WHAMM: variants seen among roughly 807,000 people sequenced by gnomAD.
WHAMM encodes the protein WASP homolog-associated protein with actin, membranes and microtubules.
Under a neutral mutation model 76.5 loss-of-function variants are expected in WHAMM, and 67 were observed. The ratio of observed to expected loss-of-function variants is 0.88; its 90% CI spans 0.72 to 1.07. The LOEUF (loss-of-function observed/expected upper bound fraction) is 1.07. WHAMM is among the 50% of genes least tolerant of loss of function. The pLI is 0.00. For synonymous variants in WHAMM, 419 were observed against 422.1 expected, an observed-to-expected ratio of 0.99 and a Z score of 0.09; for missense variants, 1,021 against 1,051.1, an observed-to-expected ratio of 0.97 and a Z score of 0.40.
At chr15:82,824,899 G>A (rs2050904017) in intron 6 of WHAMM, among the ~76,000 whole-genome samples, 1 of 152,182 alleles carries the variant, frequency 6.6e-6, no homozygotes, top group African/African-American at 2.4e-5. Context: ...GCTTATGCCT[G>A]TAATCCCAGC....
rs1404064674 is a variant in WHAMM, at chr15:82,823,305, G to A, written c.1458+18G>A. 4 of 1,391,500 alleles carry A rather than the reference G, an allele frequency of 2.9e-6. No individual in the cohort carries two copies. Among genetic ancestry groups the A allele is most frequent in the Admixed American group, 2.7e-5 (1 of 36,630 alleles). The allele number at this position is 1,391,500 out of a possible 1,614,324, so 86.2% of individuals were successfully genotyped here. A position where few individuals can be genotyped will look rare whatever the true frequency, so the allele number is the denominator to read the frequency against. On this transcript the variant is annotated intron_variant, in intron 6 of 9. Coordinates refer to ENST00000286760, the MANE Select transcript of WHAMM (RefSeq NM_001080435.3). ...GTAGAAAGGTAGGTACGCTCAGAGC[G>A]GCTTTCTTTTCTTTTCTCTTTCAGA...
intron 5 of WHAMM, among the ~76,000 whole-genome samples, chr15:82,822,455 G>T (rs1386330497): frequency 6.6e-6 from 1 of 151,792 alleles, no homozygotes; most frequent in Non-Finnish European, 1.5e-5. Context: ...TTTTATTTTT[G>T]GAGATGGAGT....
chr15:82,835,496 T>C lies in WHAMM; in HGVS notation c.*1960T>C. 6.6e-6 allele frequency: 1 copy of C among 152,346 alleles called. No individual in the cohort carries two copies. Among genetic ancestry groups the C allele is most frequent in the Non-Finnish European group, 1.5e-5 (1 of 68,120 alleles). 9.4% of individuals were successfully genotyped at this position (152,346 alleles called of 1,614,324 possible). The stretch of plus-strand genomic sequence containing the variant: ...TTGGCACAGCTGGGAGGGGCGTGAG[T>C]CCCTTTCAGCAGCTGCAGCCTGGGT... On this transcript the variant is annotated 3_prime_UTR_variant, in exon 10 of 10. Transcript: ENST00000286760.
In WHAMM at chr15:82,833,338, G is replaced by C. The variant is rs780034906; in HGVS notation, c.2232G>C (p.Leu744=). ...ACGCCTCAATCAATGAGCACATTCT[G>C]GCTGCCATAAGGCAAGGGGTCAAAC... ...PPHASINEHI[L]AAIRQGVKLK... is the part of the protein sequence containing the mutation. The change falls in exon 10 of 10, where the codon CTG becomes CTC. Residue 744 remains leucine (L), a synonymous_variant. Transcript: ENST00000286760. 1.2e-6 allele frequency: 2 copies of C among 1,613,906 alleles called. No individual in the cohort carries two copies. The highest frequency in any genetic ancestry group is 4.5e-5 in the East Asian group (2 of 44,896).
chr15:82,832,251 C>A (rs2051042718), intron 9 of WHAMM, among the ~76,000 whole-genome samples: 1 of 152,150 alleles, frequency 6.6e-6, no homozygotes, highest in Non-Finnish European at 1.5e-5. Flanking sequence ...CCAGAGAATG[C>A]CCTTGATTGT....
chr15:82,817,327 A>G (rs1010670749), intron 3 of WHAMM, among the ~76,000 whole-genome samples: 24 of 152,188 alleles, frequency 1.6e-4, no homozygotes, highest in African/African-American at 5.8e-4. Context: ...ACAGTGTGGT[A>G]TGAGGGAAAA....
chr15:82,824,189 G>A (rs1470256841), intron 6 of WHAMM, among the ~76,000 whole-genome samples: 3 of 54,258 alleles, frequency 5.5e-5, no homozygotes, highest in Non-Finnish European at 1.3e-4. Flanking sequence ...ACAGAGTCTC[G>A]CTCTGTCTCC....
rs777210128 is a variant in WHAMM at position 82,826,473 on chromosome 15, C to G, written c.1522C>G (p.Arg508Gly). 1 of 1,613,784 alleles carries G rather than the reference C, an allele frequency of 6.2e-7. No homozygotes were observed. Among genetic ancestry groups the G allele is most frequent in the Non-Finnish European group, 8.5e-7 (1 of 1,179,820 alleles). ...GGCTGAAGAAAGCATAAGATACTCT[C>G]GTCAGCATCACAGTATTCAGATGGT... The part of the protein sequence containing the change: ...QQAEESIRYS[R>G]QHHSIQMKRD... The change falls in exon 7 of 10, where the codon CGT (arginine) becomes GGT (glycine). Residue 508 changes from arginine (R) to glycine (G), a missense_variant. This residue lies in a region of WHAMM where 509 missense variants were observed against 492.3 expected (regional missense o/e 1.03). Coordinates refer to ENST00000286760, the MANE Select transcript of WHAMM (RefSeq NM_001080435.3).
chr15:82,834,050 TTTC>T lies in WHAMM; in HGVS notation c.*517_*519del, dbSNP rs1467959093. On this transcript the variant is annotated 3_prime_UTR_variant, in exon 10 of 10. Coordinates refer to ENST00000286760, the MANE Select transcript of WHAMM (RefSeq NM_001080435.3). Reference sequence around the variant, plus strand: ...CACCACGCCCAGCCTTTTTTTTTTCTTTCTTTTGAGACAGAATCTCTCTGTCAT... The same window carrying T: ...CACCACGCCCAGCCTTTTTTTTTTCTTTTTGAGACAGAATCTCTCTGTCAT... 1.3e-5 allele frequency: 2 copies of T among 153,936 alleles called. No individual in the cohort carries two copies. Among genetic ancestry groups the T allele is most frequent in the Non-Finnish European group, 2.9e-5 (2 of 69,686 alleles). 9.5% of individuals were successfully genotyped at this position (153,936 alleles called of 1,614,324 possible).
At chr15:82,814,512 G>A (rs1033709562) in intron 2 of WHAMM, among the ~76,000 whole-genome samples, 2 of 152,032 alleles carry the variant, frequency 1.3e-5, no homozygotes, top group East Asian at 1.9e-4. Flanking sequence ...GTGCAGTGGC[G>A]CAGTCTCAGC....
At chr15:82,818,942 A>G (rs2050774065) in intron 4 of WHAMM, among the ~76,000 whole-genome samples, 2 of 152,246 alleles carry the variant, frequency 1.3e-5, no homozygotes, top group Non-Finnish European at 2.9e-5. Context: ...TTCTCTTCTA[A>G]TAAAGGCACT....
At chr15:82,814,555 A>T (rs992451135) in intron 2 of WHAMM, among the ~76,000 whole-genome samples, 1 of 151,824 alleles carries the variant, frequency 6.6e-6, no homozygotes. Context: ...GATTCAAGCA[A>T]TTCTCTTGCC....
rs536843468 is a variant in WHAMM, at chr15:82,832,028, A to G, written c.2122+949A>G. On this transcript the variant is annotated intron_variant, in intron 9 of 9. Transcript: ENST00000286760. ...TGTTCATATATTAGGTGGAGACCCA[A>G]TGGCCTGTTTCCATGGGGTTTGCAA... Among the ~76,000 whole-genome samples, 24 of 152,326 alleles carry G rather than the reference A, an allele frequency of 1.6e-4. No homozygotes were observed. The South Asian group carries it at 1.9e-3, about 12-fold the overall frequency.
In WHAMM at chr15:82,830,907, G is replaced by A. The variant is rs755807185; in HGVS notation, c.1950G>A (p.Pro650=). 11 of 1,246,896 alleles carry A rather than the reference G, an allele frequency of 8.8e-6. No individual in the cohort carries two copies. The highest frequency in any genetic ancestry group is 1.1e-5 in the Non-Finnish European group (10 of 902,506). 77.2% of individuals were successfully genotyped at this position (1,246,896 alleles called of 1,614,324 possible). ...PPPPPPPPPP[P]PPPPPPPPLR... ...CTCCTCCTCCACCACCACCACCGCC[G>A]CCACCGCCGCCCCCACCCCCTCCTC... The change falls in exon 9 of 10, where the codon CCG becomes CCA. Residue 650 remains proline, a synonymous_variant. Transcript: ENST00000286760.
At chr15:82,820,223 A>G (rs907605024) in intron 5 of WHAMM, among the ~76,000 whole-genome samples, 1 of 152,244 alleles carries the variant, frequency 6.6e-6, no homozygotes, top group African/African-American at 2.4e-5. Context: ...ATATTTTGAC[A>G]TAGGCATATA....
At chr15:82,820,910 A>G (rs1017174547) in intron 5 of WHAMM, among the ~76,000 whole-genome samples, 1 of 39,506 alleles carries the variant, frequency 2.5e-5, no homozygotes. Flanking sequence ...AAAAAAAAAA[A>G]AAAAAAAAAA....
Position 82,835,311 on chromosome 15 carries a change from G to A in WHAMM, c.*1775G>A, listed in dbSNP as rs185275065. ...CCAGCTAATTTTTATATTTTTAGTAGAGATGGGGTTTCACCATGTTGGCAG... is the reference window on the plus strand; with the variant it reads ...CCAGCTAATTTTTATATTTTTAGTAAAGATGGGGTTTCACCATGTTGGCAG... On this transcript the variant is annotated 3_prime_UTR_variant, in exon 10 of 10. Coordinates refer to ENST00000286760, the MANE Select transcript of WHAMM (RefSeq NM_001080435.3). The A allele has an allele frequency of 9.2e-5, 14 of 152,264 alleles. No homozygotes were observed. The highest frequency in any genetic ancestry group is 3.1e-4 in the African/African-American group (13 of 41,488). 9.4% of individuals were successfully genotyped at this position (152,264 alleles called of 1,614,324 possible).
chr15:82,825,011 G>C (rs2050906769), intron 6 of WHAMM, among the ~76,000 whole-genome samples: 2 of 152,142 alleles, frequency 1.3e-5, no homozygotes, highest in Non-Finnish European at 2.9e-5. Context: ...TATAGTCCCA[G>C]CTACTCAAGA....
At position 82,813,153 on chromosome 15, in the gene WHAMM, T is replaced by C; in HGVS notation, c.660T>C (p.Val220=). Residue 220 remains valine (V), a synonymous_variant, in exon 2 of 10, where the codon GTT becomes GTC. Coordinates refer to ENST00000286760, the MANE Select transcript of WHAMM (RefSeq NM_001080435.3). ...KANTMVALMN[V]YQEEDEAYQE... ...ACACCATGGTAGCATTAATGAACGT[T>C]TACCAAGAGGAAGATGAAGCATACC... 6.2e-7 allele frequency: 1 copy of C among 1,609,790 alleles called. No individual in the cohort carries two copies. Among genetic ancestry groups the C allele is most frequent in the Non-Finnish European group, 8.5e-7 (1 of 1,178,872 alleles).
Sources: gnomAD v4.1 joint callset for allele counts (sites outside exome capture counted in the v4.1 genomes callset) on GRCh38, gnomAD v4.1.1 for gene constraint, gnomAD v4.1.1 regional missense constraint, MANE v1.5 for transcripts, NCBI Gene and HGNC (gene_info 2026-07-23, HGNC 2026-07-21) for gene names.